EBF2: variants seen among roughly 807,000 people sequenced by gnomAD.
EBF2 encodes EBF transcription factor 2, also known as transcription factor COE2.
EBF2 carries 21 observed loss-of-function variants against 72.8 expected under a neutral mutation model. The ratio of observed to expected loss-of-function variants is 0.29; its 90% CI spans 0.20 to 0.42. EBF2 has a LOEUF of 0.42. Among genes scored for constraint, EBF2 ranks in the 10% least tolerant of loss-of-function variants. EBF2 has a pLI of 1.00. For synonymous variants in EBF2, 299 were observed against 274.2 expected, an observed-to-expected ratio of 1.09 and a Z score of -0.89; for missense variants, 637 against 731.2, an observed-to-expected ratio of 0.87 and a Z score of 1.49.
rs760013798 is a variant in EBF2 at position 25,861,317 on chromosome 8, T to C, written c.1156A>G (p.Asn386Asp). ...LVEALYGTPH[N>D]NQDIILKRAA... is the part of the protein sequence containing the mutation. ...GGATGTCAGTATCTCACCTGGTTAT[T>C]GTGTGGTGTGCCATAAAGAGCTTCC... The change falls in exon 12 of 16, where the codon AAT (asparagine) becomes GAT (aspartate). Residue 386 changes from asparagine to aspartate, a missense_variant. Transcript: ENST00000520164. 1 of 1,614,224 alleles carries C rather than the reference T, an allele frequency of 6.2e-7. No individual in the cohort carries two copies. The highest frequency in any genetic ancestry group is 8.5e-7 in the Non-Finnish European group (1 of 1,180,028).
chr8:25,880,919 A>C (rs1802595734), intron 10 of EBF2, among the ~76,000 whole-genome samples: 1 of 151,928 alleles, frequency 6.6e-6, no homozygotes, highest in South Asian at 2.1e-4. Context: ...AACTATACCC[A>C]CCCAATTTTT....
intron 6 of EBF2, among the ~76,000 whole-genome samples, chr8:25,920,564 G>T (rs1388627601): frequency 6.6e-6 from 1 of 152,176 alleles, no homozygotes; most frequent in Non-Finnish European, 1.5e-5. Context: ...GAGAGCAGGT[G>T]GAGAGAAAGC....
intron 6 of EBF2, among the ~76,000 whole-genome samples, chr8:25,950,760 A>G (rs1803847362): frequency 6.6e-6 from 1 of 152,242 alleles, no homozygotes; most frequent in Non-Finnish European, 1.5e-5. Flanking sequence ...ACTTTAGACC[A>G]TCTTTTCATC....
At chr8:26,042,001 T>G in intron 2 of EBF2, 94 bp downstream of exon 2, 1 of 1,516,600 alleles carries the variant, frequency 6.6e-7, no homozygotes, top group Admixed American at 1.9e-5. Flanking sequence ...ATGGTGAGAG[T>G]GGAAAAGTGT....
At chr8:25,944,722 GATT>G (rs558222566) in intron 6 of EBF2, among the ~76,000 whole-genome samples, 2 of 146,268 alleles carry the variant, frequency 1.4e-5, no homozygotes, top group African/African-American at 5.0e-5. Context: ...ATATACATAT[GATT>G]ATATGTACAC....
intron 10 of EBF2, among the ~76,000 whole-genome samples, chr8:25,880,525 A>C (rs992560265): frequency 2.0e-5 from 3 of 152,148 alleles, no homozygotes; most frequent in Non-Finnish European, 4.4e-5. Context: ...TCCCTCACCT[A>C]CTAATACCTA....
chr8:26,008,689 G>A (rs748609165), intron 6 of EBF2, among the ~76,000 whole-genome samples: 9 of 151,878 alleles, frequency 5.9e-5, no homozygotes, highest in South Asian at 4.2e-4. Context: ...AATTAGCAGC[G>A]TTTTATCATC....
intron 14 of EBF2, among the ~76,000 whole-genome samples, chr8:25,857,812 G>T (rs1323590508): frequency 8.5e-5 from 13 of 152,184 alleles, no homozygotes; most frequent in Admixed American, 8.5e-4. Context: ...GCAGCATGGT[G>T]TGATACACAA....
intron 7 of EBF2, among the ~76,000 whole-genome samples, chr8:25,904,218 C>T (rs1478162191): frequency 2.7e-5 from 3 of 109,850 alleles, no homozygotes; most frequent in African/African-American, 7.1e-5. Context: ...TTACCAGATT[C>T]TTAAAGGGGT....
chr8:25,885,690 T>C (rs1455885010), intron 10 of EBF2, among the ~76,000 whole-genome samples: 1 of 152,170 alleles, frequency 6.6e-6, no homozygotes, highest in South Asian at 2.1e-4. Context: ...GATTTTATAG[T>C]GGGTTCCCCT....
intron 10 of EBF2, among the ~76,000 whole-genome samples, chr8:25,864,945 G>A (rs768321581): frequency 3.3e-5 from 5 of 151,782 alleles, no homozygotes; most frequent in South Asian, 4.2e-4. Context: ...TTACAGGCGC[G>A]CGCCACCATG....
chr8:25,888,400 T>C (rs907503049), intron 8 of EBF2, among the ~76,000 whole-genome samples: 2 of 152,160 alleles, frequency 1.3e-5, no homozygotes, highest in Admixed American at 6.5e-5. Flanking sequence ...GAGTTGACCA[T>C]TATGTATGAA....
chr8:26,040,501 G>T (rs2117265955), intron 4 of EBF2, 115 bp downstream of exon 4: 2 of 946,102 alleles, frequency 2.1e-6, no homozygotes, highest in Non-Finnish European at 1.6e-6. Context: ...CGTGGAGGGG[G>T]CTGTGGAGTC....
chr8:25,851,028 A>G lies in EBF2; in HGVS notation c.1529-267T>C, dbSNP rs115800009. On this transcript the variant is annotated intron_variant, in intron 14 of 15. Transcript: ENST00000520164. ...ACAGCAAAGGGCACTTGTGCTTGGG[A>G]GAGTCAGGAAGGCAGCTTCAGGAAG... Among the ~76,000 whole-genome samples, 1,195 of 152,122 alleles carry G rather than the reference A, an allele frequency of 7.9e-3. 15 individuals are homozygous for G. Among genetic ancestry groups the G allele is most frequent in the African/African-American group, 0.027 (1,136 of 41,480 alleles).
At chr8:25,937,880 A>G (rs569264317) in intron 6 of EBF2, among the ~76,000 whole-genome samples, 1 of 152,340 alleles carries the variant, frequency 6.6e-6, no homozygotes, top group African/African-American at 2.4e-5. Flanking sequence ...TGGTGGGAAC[A>G]TAATCTTCAA....
At chr8:26,028,178 T>C (rs1356651005) in intron 6 of EBF2, among the ~76,000 whole-genome samples, 1 of 152,208 alleles carries the variant, frequency 6.6e-6, no homozygotes, top group African/African-American at 2.4e-5. Flanking sequence ...GGAGAACCCT[T>C]CATGGGCAAA....
chr8:25,934,657 C>A (rs762155164), intron 6 of EBF2, among the ~76,000 whole-genome samples: 1 of 152,146 alleles, frequency 6.6e-6, no homozygotes, highest in African/African-American at 2.4e-5. Flanking sequence ...CAAAGTGACA[C>A]AATGTGCATG....
At chr8:25,909,002 G>A (rs1195654085) in intron 6 of EBF2, among the ~76,000 whole-genome samples, 1 of 152,172 alleles carries the variant, frequency 6.6e-6, no homozygotes, top group African/African-American at 2.4e-5. Flanking sequence ...ATGCTCATAC[G>A]TGAAGGTGGC....
In EBF2 at chr8:25,844,651, A is replaced by G; in HGVS notation, c.1697-11T>C. ...CAAGTCCGGTCATGGCTGCAAGGAA[A>G]GAGTGGCACAGGAATGAGACTTGGG... On this transcript the variant is annotated splice_polypyrimidine_tract_variant and intron_variant, in intron 15 of 15. Transcript: ENST00000520164. The G allele has an allele frequency of 6.2e-7, 1 of 1,614,008 alleles. No homozygotes were observed. The highest frequency in any genetic ancestry group is 8.5e-7 in the Non-Finnish European group (1 of 1,179,880).
Sources: gnomAD v4.1 joint callset for allele counts (sites outside exome capture counted in the v4.1 genomes callset) on GRCh38, gnomAD v4.1.1 for gene constraint, MANE v1.5 for transcripts, NCBI Gene and HGNC (gene_info 2026-07-23, HGNC 2026-07-21) for gene names.